NPC1: variants seen among roughly 807,000 people sequenced by gnomAD.
NPC1 encodes NPC intracellular cholesterol transporter 1.
Under a neutral mutation model 140.4 loss-of-function variants are expected in NPC1, and 85 were observed. The observed-to-expected ratio is 0.61, with a 90% CI of 0.51 to 0.72. The LOEUF (loss-of-function observed/expected upper bound fraction) is 0.72, where lower values mean the gene tolerates loss of function less well. NPC1 is among the 30% of genes least tolerant of loss of function. NPC1 has a pLI of 0.00. For synonymous variants in NPC1, 656 were observed against 624.8 expected (o/e 1.05, Z -0.74); for missense variants, 1,504 against 1,623.8 (o/e 0.93, Z 1.27).
Position 23,540,463 on chromosome 18 carries a change from A to C in NPC1, c.2589T>G (p.Ser863=). The part of the protein sequence containing the change: ...LNKVDIGLDQ[S]LSMPDDSYMV... ...GTCATCTTACATCTGGCATCGAAAGAGACTGATCCAATCCAATATCTACTT... is the reference window on the plus strand; with the variant it reads ...GTCATCTTACATCTGGCATCGAAAGCGACTGATCCAATCCAATATCTACTT... The change falls in exon 17 of 25, where the codon TCT becomes TCG. Residue 863 remains serine, a synonymous_variant. Transcript: ENST00000269228. 2 of 1,606,348 alleles carry C rather than the reference A, an allele frequency of 1.2e-6. No individual in the cohort carries two copies. The highest frequency in any genetic ancestry group is 1.7e-6 in the Non-Finnish European group (2 of 1,173,372).
chr18:23,569,913 G>T (rs748151723), intron 3 of NPC1, among the ~76,000 whole-genome samples: 4 of 152,088 alleles, frequency 2.6e-5, no homozygotes, highest in Non-Finnish European at 4.4e-5. Flanking sequence ...TTTTCCCTTT[G>T]GTCCACTGTT....
intron 1 of NPC1, among the ~76,000 whole-genome samples, chr18:23,579,593 A>G (rs1279990065): frequency 6.6e-6 from 1 of 152,176 alleles, no homozygotes; most frequent in Non-Finnish European, 1.5e-5. Flanking sequence ...GAAAGGTTAA[A>G]AAAAAGCCCC....
chr18:23,532,862 A>G (rs1196508116), intron 24 of NPC1: 1 of 985,090 alleles, frequency 1.0e-6, no homozygotes, highest in Non-Finnish European at 1.2e-6. Flanking sequence ...TGTTCTTTCA[A>G]CCGTGGGTCA....
chr18:23,541,495 T>G, intron 14 of NPC1, 62 bp from the exon 15 acceptor site: 1 of 1,609,782 alleles, frequency 6.2e-7, no homozygotes, highest in Non-Finnish European at 8.5e-7. Flanking sequence ...TCTGCAGGTC[T>G]TATGTTCATG....
Position 23,541,310 on chromosome 18 carries a change from T to C in NPC1, c.2369A>G (p.Gln790Arg), listed in dbSNP as rs761014306. ...VSLLGLDIKR[Q>R]EKNRLDIFCC... ...ATAATCCTGGCACCAACTTACCTCT[T>C]GACGTTTAATGTCTAACCCCAAGAG... Residue 790 changes from glutamine (Q) to arginine (R), a missense_variant, in exon 15 of 25, where the codon CAA (glutamine) becomes CGA (arginine). Physicochemically the swap from Gln to Arg is conservative, Grantham distance 43. Coordinates refer to ENST00000269228, the MANE Select transcript of NPC1 (RefSeq NM_000271.5). 1.9e-6 allele frequency: 3 copies of C among 1,614,072 alleles called. No individual in the cohort carries two copies. Among genetic ancestry groups the C allele is most frequent in the African/African-American group, 2.7e-5 (2 of 74,914 alleles).
At chr18:23,560,115 A>T in intron 6 of NPC1, 116 bp downstream of exon 6, 2 of 1,203,918 alleles carry the variant, frequency 1.7e-6, no homozygotes, top group Non-Finnish European at 2.5e-6. Context: ...ATGCAATGGT[A>T]TTCATGGAGG....
intron 3 of NPC1, among the ~76,000 whole-genome samples, chr18:23,511,651 A>G (rs1457119321): frequency 1.3e-5 from 2 of 150,920 alleles, no homozygotes; most frequent in Non-Finnish European, 3.0e-5. Flanking sequence ...TTTTGCAGCT[A>G]GCTTTTTTTT....
intron 23 of NPC1, chr18:23,534,087 A>G: frequency 2.3e-6 from 1 of 437,404 alleles, no homozygotes; most frequent in South Asian, 2.2e-5. Context: ...AGATAGGCTA[A>G]GCCAGGGTGT....
chr18:23,575,726 T>C lies in NPC1; in HGVS notation c.58-2152A>G, dbSNP rs538228908. On this transcript the variant is annotated intron_variant, in intron 1 of 24. Transcript: ENST00000269228. ...TTGGGCTTGAATCAACATTCAGGTT[T>C]GCTTCTCAAAAGGTCATCTTCTAGA... 2.9e-4 allele frequency among the ~76,000 whole-genome samples: 41 copies of C among 142,882 alleles called. No homozygotes were observed. The South Asian group carries it at 8.9e-3, about 31-fold the overall frequency. 93.7% of individuals were successfully genotyped at this position (142,882 alleles called of 152,430 possible).
chr18:23,560,466 C>T lies in NPC1; in HGVS notation c.646G>A (p.Gly216Arg), dbSNP rs2059022451. The T allele has an allele frequency of 5.0e-6, 8 of 1,614,096 alleles. No individual in the cohort carries two copies. The highest frequency in any genetic ancestry group is 6.8e-6 in the Non-Finnish European group (8 of 1,180,040). The stretch of plus-strand genomic sequence containing the variant: ...GTGGCATTGTTCATGGGCTCCATCC[C>T]ATGGACTGGAAAATCTACAGAAAGG... ...TPVFSDFPVH[G>R]MEPMNNATKG... Residue 216 changes from glycine (G) to arginine (R), a missense_variant, in exon 6 of 25, where the codon GGG becomes AGG. Transcript: ENST00000269228.
intron 16 of NPC1, 78 bp from the exon 17 acceptor site, chr18:23,540,615 C>A: frequency 9.3e-7 from 1 of 1,073,460 alleles, no homozygotes; most frequent in African/African-American, 1.6e-5. Context: ...CTTAAGCACA[C>A]ACAAAAAGCA....
chr18:23,543,673 A>G, intron 13 of NPC1, 104 bp from the exon 14 acceptor site: 1 of 719,282 alleles, frequency 1.4e-6, no homozygotes, highest in South Asian at 1.6e-5. Context: ...AATGATTAGT[A>G]GACGATTAGC....
chr18:23,540,417 T>TAA (rs746440359), intron 17 of NPC1, 31 bp downstream of exon 17: 901 of 1,158,488 alleles, frequency 7.8e-4, no homozygotes, highest in Non-Finnish European at 9.4e-4. Context: ...CTAAAGAAGT[T>TAA]AAAAAAAAAA....
chr18:23,529,600 T>A, downstream of NPC1: 1 of 1,564,320 alleles, frequency 6.4e-7, no homozygotes, highest in East Asian at 2.2e-5. Context: ...TTGCACCTCG[T>A]TGGTATTTGT....
At chr18:23,544,291 C>T in intron 13 of NPC1, 53 bp downstream of exon 13, 1 of 1,563,292 alleles carries the variant, frequency 6.4e-7, no homozygotes, top group South Asian at 1.1e-5. Flanking sequence ...GAGCCATTCA[C>T]AGTCCCTGAA....
chr18:23,575,718 T>C (rs1196421919), intron 1 of NPC1, among the ~76,000 whole-genome samples: 2 of 143,334 alleles, frequency 1.4e-5, no homozygotes, highest in Non-Finnish European at 3.0e-5. Context: ...TGAATCAACA[T>C]TCAGGTTTGC....
chr18:23,565,798 C>T (rs951793823), intron 4 of NPC1, among the ~76,000 whole-genome samples: 2 of 152,186 alleles, frequency 1.3e-5, no homozygotes, highest in Non-Finnish European at 2.9e-5. Flanking sequence ...TGAATTTTCT[C>T]TAAGTTCTCA....
intron 3 of NPC1, among the ~76,000 whole-genome samples, chr18:23,571,413 T>C (rs984912572): frequency 2.0e-5 from 3 of 151,970 alleles, no homozygotes; most frequent in African/African-American, 7.3e-5. Context: ...CAGCCTGTAA[T>C]AACCAGGCTG....
intron 1 of NPC1, among the ~76,000 whole-genome samples, chr18:23,523,716 T>C (rs765048543): frequency 2.6e-5 from 4 of 151,918 alleles, no homozygotes; most frequent in Non-Finnish European, 5.9e-5. Flanking sequence ...AGCAACACCC[T>C]CTCTTAAAGA....
Sources: allele counts gnomAD v4.1 joint callset (sites outside exome capture counted in the v4.1 genomes callset), GRCh38; gene constraint gnomAD v4.1.1; transcripts MANE v1.5; gene names NCBI Gene and HGNC (gene_info 2026-07-23, HGNC 2026-07-21).